Variants in CD200 observed in about 807,000 individuals in gnomAD.
CD200 encodes OX-2 membrane glycoprotein.
In CD200, 15 loss-of-function variants were observed where a neutral mutation model predicts 30.9. The ratio of observed to expected loss-of-function variants is 0.49; its 90% CI spans 0.32 to 0.75. CD200 has a LOEUF of 0.75. CD200 is among the 30% of genes least tolerant of loss of function. CD200 has a pLI of 0.03. For missense variants in CD200, 262 were observed against 324.2 expected, an observed-to-expected ratio of 0.81 and a Z score of 1.47; for synonymous variants, 134 against 126.2, an observed-to-expected ratio of 1.06 and a Z score of -0.41.
chr3:112,357,271 A>AAAAAAAAG (rs1553720695), intron 5 of CD200, among the ~76,000 whole-genome samples: 6 of 139,738 alleles, frequency 4.3e-5, no homozygotes, highest in African/African-American at 1.1e-4. Context: ...AAAAAAAAAA[A>AAAAAAAAG]AAAGAAAGAA....
intron 5 of CD200, among the ~76,000 whole-genome samples, chr3:112,360,839 G>A (rs1048232337): frequency 6.6e-6 from 1 of 152,138 alleles, no homozygotes; most frequent in Non-Finnish European, 1.5e-5. Flanking sequence ...TCTACTTCGT[G>A]ACCATTTCTA....
At position 112,347,571 on chromosome 3, in the gene CD200, A is replaced by G; in HGVS notation, c.435A>G (p.Val145=). The G allele has an allele frequency of 1.2e-6, 2 of 1,613,940 alleles. No individual in the cohort carries two copies. The highest frequency in any genetic ancestry group is 1.7e-6 in the Non-Finnish European group (2 of 1,179,850). The change falls in exon 4 of 6, where the codon GTA becomes GTG. Residue 145 remains valine (V), a synonymous_variant. Coordinates refer to ENST00000315711, the MANE Select transcript of CD200 (RefSeq NM_005944.7). ...TTTTTGTCCCAGTACAGCCCATAGT[A>G]TCCCTTCACTACAAATTCTCTGAAG... ...ACLTVYVQPI[V]SLHYKFSEDH... is the part of the protein sequence containing the mutation.
intron 5 of CD200, among the ~76,000 whole-genome samples, chr3:112,354,559 A>G (rs2081592389): frequency 6.6e-6 from 1 of 152,234 alleles, no homozygotes; most frequent in African/African-American, 2.4e-5. Context: ...AAAGAAGCCA[A>G]CTGTATGCTA....
intron 5 of CD200, among the ~76,000 whole-genome samples, chr3:112,355,942 G>A (rs758208772): frequency 6.6e-6 from 1 of 152,056 alleles, no homozygotes; most frequent in Non-Finnish European, 1.5e-5. Flanking sequence ...TAACCATATT[G>A]TAAAAAAATA....
chr3:112,356,169 T>G (rs1431420179), intron 5 of CD200, among the ~76,000 whole-genome samples: 2 of 152,196 alleles, frequency 1.3e-5, no homozygotes, highest in Non-Finnish European at 2.9e-5. Flanking sequence ...CTGCTAGTTC[T>G]GAGTCTCCGT....
chr3:112,360,705 T>G (rs534052474), intron 5 of CD200, among the ~76,000 whole-genome samples: 36 of 152,274 alleles, frequency 2.4e-4, no homozygotes, highest in African/African-American at 8.7e-4. Context: ...TACCTAAGAT[T>G]ACACAGAGAG....
intron 1 of CD200, 116 bp downstream of exon 1, chr3:112,333,340 C>G: frequency 1.4e-6 from 2 of 1,464,116 alleles, no homozygotes; most frequent in East Asian, 2.6e-5. Context: ...ACAATCTGGT[C>G]CGGGGACTAG....
chr3:112,361,202 A>AT lies in CD200; in HGVS notation c.803-330dup, dbSNP rs11301407. 1.4e-3 allele frequency among the ~76,000 whole-genome samples: 204 copies of AT among 148,538 alleles called. 1 individual carries two copies. The highest frequency in any genetic ancestry group is 2.4e-3 in the Non-Finnish European group (161 of 66,646). ...CAGGTGCATGCCACCATGTCCAGCT[A>AT]TTTTTTTTTTTATTTTTATTTTTTG... On this transcript the variant is annotated intron_variant, in intron 5 of 5. Transcript: ENST00000315711.
chr3:112,336,009 G>T, intron 1 of CD200: 1 of 1,607,728 alleles, frequency 6.2e-7, no homozygotes, highest in Middle Eastern at 1.7e-4. Flanking sequence ...CACCATCAAT[G>T]ATTACCAGGT....
intron 1 of CD200, among the ~76,000 whole-genome samples, chr3:112,334,776 C>T (rs572175586): frequency 5.7e-4 from 87 of 152,094 alleles, no homozygotes; most frequent in African/African-American, 1.9e-3. Context: ...AATAAAAATA[C>T]GTATCTATTT....
intron 1 of CD200, chr3:112,334,011 A>G (rs1270876963): frequency 2.0e-6 from 2 of 985,286 alleles, no homozygotes; most frequent in African/African-American, 1.7e-5. Context: ...TAATTTTTTC[A>G]TGTATGGTTT....
rs1245441462 is a variant in CD200, at chr3:112,347,684, C to T, written c.548C>T (p.Thr183Ile). Residue 183 changes from threonine to isoleucine, a missense_variant, in exon 4 of 6, where the codon ACA (threonine) becomes ATA (isoleucine). Coordinates refer to ENST00000315711, the MANE Select transcript of CD200 (RefSeq NM_005944.7). ...CCTCGGTCAGGGATTGAAAATAGTA[C>T]AGTGACTCTGTCTCACCCAAATGGG... The part of the protein sequence containing the change: ...KVPRSGIENS[T>I]VTLSHPNGTT... 6.2e-7 allele frequency: 1 copy of T among 1,614,072 alleles called. No individual in the cohort carries two copies. Among genetic ancestry groups the T allele is most frequent in the Admixed American group, 1.7e-5 (1 of 60,010 alleles).
rs1420574024 is a variant in CD200, at chr3:112,362,554, C to T, written c.*1004C>T. ...AGCAGAGGAGGCAAATATGAGCATA[C>T]AATCCCTTTGTTCTAAAGATATTGT... is the stretch of plus-strand genomic sequence containing the variant. On this transcript the variant is annotated 3_prime_UTR_variant, in exon 6 of 6. Coordinates refer to ENST00000315711, the MANE Select transcript of CD200 (RefSeq NM_005944.7). 1 of 152,584 alleles carries T rather than the reference C, an allele frequency of 6.6e-6. No individual in the cohort carries two copies. Among genetic ancestry groups the T allele is most frequent in the Non-Finnish European group, 1.5e-5 (1 of 68,022 alleles). 9.5% of individuals were successfully genotyped at this position (152,584 alleles called of 1,614,324 possible).
chr3:112,340,874 A>ATTTCTGTACTTTGC, intron 1 of CD200, 28 bp from the exon 2 acceptor site: 1 of 1,374,374 alleles, frequency 7.3e-7, no homozygotes, highest in Non-Finnish European at 1.0e-6. Context: ...CCAAACCCCC[A>ATTTCTGTACTTTGC]TTTCTGTACT....
At chr3:112,357,258 CAAAAA>C (rs753148544) in intron 5 of CD200, among the ~76,000 whole-genome samples, 1 of 81,774 alleles carries the variant, frequency 1.2e-5, no homozygotes. Flanking sequence ...GAGACTGTCT[CAAAAA>C]AAAAAAAAAA....
intron 2 of CD200, among the ~76,000 whole-genome samples, chr3:112,342,991 C>CTG (rs145575317): frequency 6.6e-6 from 1 of 151,604 alleles, no homozygotes; most frequent in Admixed American, 6.6e-5. Context: ...GTGTGTGTGT[C>CTG]TGTGTGTGTG....
At chr3:112,337,105 A>G (rs9818407) in intron 1 of CD200, among the ~76,000 whole-genome samples, 34,477 of 151,800 alleles carry the variant, frequency 0.23, 4,381 homozygotes, top group Non-Finnish European at 0.29. Context: ...GGTGTGGGGT[A>G]TATGGTGGGT....
At chr3:112,334,037 T>TA (rs1179509029) in intron 1 of CD200, 1 of 985,334 alleles carries the variant, frequency 1.0e-6, no homozygotes, top group Non-Finnish European at 1.2e-6. Flanking sequence ...CAAGACCACA[T>TA]AGCCAATGAT....
intron 2 of CD200, among the ~76,000 whole-genome samples, chr3:112,342,503 A>T (rs1448820701): frequency 1.3e-5 from 2 of 149,954 alleles, no homozygotes; most frequent in South Asian, 2.1e-4. Context: ...GCTCACTGCA[A>T]CCTCTGCCTC....
Sources: allele counts gnomAD v4.1 joint callset (sites outside exome capture counted in the v4.1 genomes callset), GRCh38; gene constraint gnomAD v4.1.1; transcripts MANE v1.5; gene names NCBI Gene and HGNC (gene_info 2026-07-23, HGNC 2026-07-21).